TSC22D2: variants seen among roughly 807,000 people sequenced by gnomAD.
TSC22D2 encodes TSC22 domain family member 2, also known as TSC22 domain family protein 2.
Under a neutral mutation model 50.1 loss-of-function variants are expected in TSC22D2, and 5 were observed. The ratio of observed to expected loss-of-function variants is 0.10; its 90% CI spans 0.05 to 0.21. The LOEUF is 0.21. Ranked by LOEUF, TSC22D2 falls within the 10% of genes least tolerant of loss-of-function variation. The pLI is 1.00. For synonymous variants in TSC22D2, 501 were observed against 450.1 expected (o/e 1.11, Z -1.43); for missense variants, 1,003 against 1,015.5 (o/e 0.99, Z 0.17).
At chr3:150,427,943 A>G (rs1386408103) in intron 1 of TSC22D2, among the ~76,000 whole-genome samples, 1 of 152,102 alleles carries the variant, frequency 6.6e-6, no homozygotes, top group Non-Finnish European at 1.5e-5. Flanking sequence ...ATGTTGTACA[A>G]CCTTAGTACA....
intron 1 of TSC22D2, among the ~76,000 whole-genome samples, chr3:150,452,047 T>C (rs1721056428): frequency 2.6e-5 from 4 of 152,144 alleles, no homozygotes; most frequent in Non-Finnish European, 5.9e-5. Flanking sequence ...GGGTTCTCAC[T>C]ATGTTGCCCA....
At chr3:150,415,808 C>G (rs1385007297) in intron 1 of TSC22D2, among the ~76,000 whole-genome samples, 1 of 152,076 alleles carries the variant, frequency 6.6e-6, no homozygotes, top group East Asian at 1.9e-4. Flanking sequence ...CAGCAAGGAC[C>G]TGTCTGTAAA....
chr3:150,454,965 A>G (rs1427449117), intron 1 of TSC22D2, among the ~76,000 whole-genome samples: 1 of 147,746 alleles, frequency 6.8e-6, no homozygotes, highest in Admixed American at 6.8e-5. Context: ...GATTTTAATT[A>G]TCAAAAAAAA....
At chr3:150,434,908 C>T (rs907033964) in intron 1 of TSC22D2, among the ~76,000 whole-genome samples, 4 of 152,030 alleles carry the variant, frequency 2.6e-5, no homozygotes, top group Admixed American at 2.6e-4. Context: ...TAAATTATAT[C>T]TTGGCTCAAC....
intron 1 of TSC22D2, 42 bp from the exon 2 acceptor site, chr3:150,457,034 G>T (rs1482601812): frequency 6.3e-7 from 1 of 1,581,492 alleles, no homozygotes; most frequent in Non-Finnish European, 8.7e-7. Flanking sequence ...TGGAAGGGAG[G>T]TTAAATTTTT....
In TSC22D2 at chr3:150,464,451, A is replaced by C. The variant is rs1721499123; in HGVS notation, c.*5815A>C. 6.6e-6 allele frequency: 1 copy of C among 152,142 alleles called. No homozygotes were observed. Among genetic ancestry groups the C allele is most frequent in the Admixed American group, 6.6e-5 (1 of 15,262 alleles). 9.4% of individuals were successfully genotyped at this position (152,142 alleles called of 1,614,324 possible). ...TAAAAAAAATGTTGACATGCAATTT[A>C]ATTCTATTTCAATTTAGGTGCTGCA... is the stretch of plus-strand genomic sequence containing the variant. On this transcript the variant is annotated 3_prime_UTR_variant, in exon 3 of 3. Coordinates refer to ENST00000688009, the MANE Select transcript of TSC22D2 (RefSeq NM_001303264.2).
intron 1 of TSC22D2, among the ~76,000 whole-genome samples, chr3:150,427,116 T>C (rs552874872): frequency 5.8e-4 from 89 of 152,320 alleles, no homozygotes; most frequent in African/African-American, 2.0e-3. Context: ...CCACCAGTAC[T>C]TGTTATCCCA....
intron 1 of TSC22D2, among the ~76,000 whole-genome samples, chr3:150,448,728 A>T (rs1720955538): frequency 2.0e-5 from 3 of 152,068 alleles, no homozygotes; most frequent in Admixed American, 2.0e-4. Flanking sequence ...GCTAGTTTTA[A>T]AACGAAGTTT....
chr3:150,448,952 T>C (rs1272681439), intron 1 of TSC22D2, among the ~76,000 whole-genome samples: 1 of 152,070 alleles, frequency 6.6e-6, no homozygotes, highest in South Asian at 2.1e-4. Context: ...ACATGACTTT[T>C]TGTATTATAG....
intron 1 of TSC22D2, among the ~76,000 whole-genome samples, chr3:150,455,512 C>T (rs1467829480): frequency 1.3e-5 from 2 of 152,156 alleles, no homozygotes; most frequent in Non-Finnish European, 2.9e-5. Context: ...CGTAGTTTCC[C>T]ATGTAATGAT....
chr3:150,419,045 CA>C (rs1410385953), intron 1 of TSC22D2, among the ~76,000 whole-genome samples: 2 of 151,938 alleles, frequency 1.3e-5, no homozygotes, highest in Non-Finnish European at 2.9e-5. Context: ...GATACTCTAC[CA>C]AAATTTGATT....
chr3:150,416,123 A>T (rs1719786895), intron 1 of TSC22D2, among the ~76,000 whole-genome samples: 1 of 152,216 alleles, frequency 6.6e-6, no homozygotes, highest in Non-Finnish European at 1.5e-5. Context: ...AAAATGGAAG[A>T]AAGTACAGTG....
In TSC22D2 at chr3:150,454,815, T is replaced by A. The variant is rs901831420; in HGVS notation, c.1959-2261T>A. 3.3e-5 allele frequency among the ~76,000 whole-genome samples: 5 copies of A among 152,218 alleles called. No homozygotes were observed. In the South Asian group the frequency reaches 8.3e-4, roughly 25 times the overall value. ...TTTAAGGGATACATCTTCATCATGA[T>A]CTATTTATACCTTGCAAACCTGTTT... On this transcript the variant is annotated intron_variant, in intron 1 of 2. Transcript: ENST00000688009.
chr3:150,421,824 T>C (rs1439709098), intron 1 of TSC22D2, among the ~76,000 whole-genome samples: 2 of 152,210 alleles, frequency 1.3e-5, no homozygotes, highest in Non-Finnish European at 2.9e-5. Flanking sequence ...GAACTTTACA[T>C]TTAGTCTCAG....
At chr3:150,433,195 G>T (rs1307905933) in intron 1 of TSC22D2, among the ~76,000 whole-genome samples, 1 of 152,134 alleles carries the variant, frequency 6.6e-6, no homozygotes, top group Non-Finnish European at 1.5e-5. Flanking sequence ...AAGATTGTTG[G>T]TTATAAATAC....
At chr3:150,415,928 C>G (rs911621865) in intron 1 of TSC22D2, among the ~76,000 whole-genome samples, 1 of 152,140 alleles carries the variant, frequency 6.6e-6, no homozygotes, top group African/African-American at 2.4e-5. Flanking sequence ...TTTCTCTGCA[C>G]CAGAAAAGAT....
In TSC22D2 at chr3:150,410,595, C is replaced by T. The variant is rs768379405; in HGVS notation, c.1245C>T (p.Thr415=). The T allele has an allele frequency of 1.9e-6, 3 of 1,559,160 alleles. No homozygotes were observed. Among genetic ancestry groups the T allele is most frequent in the East Asian group, 2.4e-5 (1 of 41,790 alleles). ...CGGCGGCCACCCTTCCCGTGGGCAC[C>T]GGCCAGAATGCTTCCTCGGTGGGCG... ...PATAATLPVG[T]GQNASSVGAQ... The change falls in exon 1 of 3, where the codon ACC becomes ACT. Residue 415 remains threonine, a synonymous_variant. Transcript: ENST00000688009.
At chr3:150,445,591 C>T (rs866247544) in intron 1 of TSC22D2, among the ~76,000 whole-genome samples, 3 of 152,124 alleles carry the variant, frequency 2.0e-5, no homozygotes, top group Middle Eastern at 6.8e-3. Context: ...TCCCAAGATA[C>T]ACTGGGAAAG....
intron 1 of TSC22D2, chr3:150,456,805 C>T: frequency 2.8e-6 from 1 of 358,084 alleles, no homozygotes; most frequent in Non-Finnish European, 5.0e-6. Flanking sequence ...ATTCTTAATA[C>T]AATTGAGAGT....
Sources: gnomAD v4.1 joint callset for allele counts (sites outside exome capture counted in the v4.1 genomes callset) on GRCh38, gnomAD v4.1.1 for gene constraint, MANE v1.5 for transcripts, NCBI Gene and HGNC (gene_info 2026-07-23, HGNC 2026-07-21) for gene names.